The following ATP10B variants were observed in gnomAD, a reference collection of about 807,000 sequenced individuals.
ATP10B encodes phospholipid-transporting ATPase VB.
A neutral mutation model predicts 141.2 loss-of-function variants in ATP10B; 122 were observed. That is an observed-to-expected ratio of 0.86 (90% CI 0.75 to 1.00). ATP10B has a LOEUF of 1.00. Ranked by LOEUF, ATP10B falls within the 50% of genes least tolerant of loss-of-function variation. The pLI is 0.00. For missense variants in ATP10B, 1,876 were observed against 1,825.3 expected (o/e 1.03, Z -0.51); for synonymous variants, 685 against 692.0 (o/e 0.99, Z 0.16).
chr5:160,723,858 T>C lies in ATP10B; in HGVS notation c.-330-6824A>G, dbSNP rs893419986. Among the ~76,000 whole-genome samples the C allele has an allele frequency of 2.0e-5, 3 of 152,118 alleles. No individual in the cohort carries two copies. In the East Asian group the frequency reaches 5.8e-4, roughly 29 times the overall value. ...ACGTTCACTGTAGCATGAGTCGCAA[T>C]AGAAAAGACATGGAATCAACTTAAA... On this transcript the variant is annotated intron_variant, in intron 2 of 25. Transcript: ENST00000327245.
intron 2 of ATP10B, among the ~76,000 whole-genome samples, chr5:160,732,209 G>A (rs1766795778): frequency 6.6e-6 from 1 of 152,192 alleles, no homozygotes; most frequent in Admixed American, 6.5e-5. Context: ...TAACCTTGGA[G>A]CCCCAAATAA....
chr5:160,683,395 C>T (rs982960247), intron 6 of ATP10B, among the ~76,000 whole-genome samples: 1 of 152,124 alleles, frequency 6.6e-6, no homozygotes, highest in Admixed American at 6.5e-5. Context: ...TGGTAAATAC[C>T]ATCTAAAGTC....
chr5:160,789,307 G>T (rs1401382371), intron 1 of ATP10B, among the ~76,000 whole-genome samples: 2 of 151,356 alleles, frequency 1.3e-5, no homozygotes, highest in Non-Finnish European at 2.9e-5. Flanking sequence ...TGCATCATTA[G>T]GTGATTTTTT....
At chr5:160,604,513 T>C (rs1757271826) in intron 19 of ATP10B, among the ~76,000 whole-genome samples, 1 of 152,188 alleles carries the variant, frequency 6.6e-6, no homozygotes, top group Non-Finnish European at 1.5e-5. Context: ...TGAAATACCA[T>C]ATCAAGACAA....
intron 6 of ATP10B, among the ~76,000 whole-genome samples, chr5:160,674,556 T>C (rs1762911045): frequency 6.6e-6 from 1 of 152,196 alleles, no homozygotes; most frequent in African/African-American, 2.4e-5. Context: ...GCCTGTCTTT[T>C]CTTTAGACAT....
the ATP10B span, among the ~76,000 whole-genome samples, chr5:160,904,926 C>A: frequency 1.3e-5 from 2 of 152,200 alleles, no homozygotes; most frequent in Admixed American, 1.3e-4. Context: ...TTGAAACAAA[C>A]TCTAGCTATT....
rs1304222940 is a variant in ATP10B at position 160,804,539 on chromosome 5, T to C, written c.-575-18736A>G. 2.6e-5 allele frequency among the ~76,000 whole-genome samples: 4 copies of C among 152,236 alleles called. No individual in the cohort carries two copies. The South Asian group carries it at 8.3e-4, about 31-fold the overall frequency. On this transcript the variant is annotated intron_variant, in intron 1 of 25. Transcript: ENST00000327245. ...ACAGGCTTATGAGCCCATAGTCATATAGCTGGTAAATTAGGATTCTAACCC... is the reference window on the plus strand; with the variant it reads ...ACAGGCTTATGAGCCCATAGTCATACAGCTGGTAAATTAGGATTCTAACCC...
At chr5:160,577,842 T>C (rs1479629594) in intron 24 of ATP10B, among the ~76,000 whole-genome samples, 1 of 152,156 alleles carries the variant, frequency 6.6e-6, no homozygotes, top group Non-Finnish European at 1.5e-5. Flanking sequence ...TAGAATTGTC[T>C]CTCTGGTAAC....
the ATP10B span, among the ~76,000 whole-genome samples, chr5:160,917,269 CT>C: frequency 2.4e-3 from 303 of 127,656 alleles, 3 homozygotes; most frequent in Middle Eastern, 4.2e-3. Context: ...TAGGGTACTT[CT>C]TTTTTTTTTT....
intron 2 of ATP10B, among the ~76,000 whole-genome samples, chr5:160,774,362 C>T (rs540443116): frequency 6.6e-6 from 1 of 152,270 alleles, no homozygotes; most frequent in African/African-American, 2.4e-5. Flanking sequence ...CCAGGGATAT[C>T]CAGGGTTCTG....
chr5:160,898,852 G>A, the ATP10B span, among the ~76,000 whole-genome samples: 1,438 of 152,182 alleles, frequency 9.4e-3, 24 homozygotes, highest in African/African-American at 0.033. Context: ...GCAGGGACAT[G>A]GATGAAGCTG....
chr5:160,771,872 A>C (rs1769930335), intron 2 of ATP10B, among the ~76,000 whole-genome samples: 1 of 152,208 alleles, frequency 6.6e-6, no homozygotes, highest in African/African-American at 2.4e-5. Context: ...GTTCGGTTCC[A>C]TACTATTCTA....
At chr5:160,719,193 G>A (rs190700409) in intron 2 of ATP10B, among the ~76,000 whole-genome samples, 3 of 152,318 alleles carry the variant, frequency 2.0e-5, no homozygotes, top group Non-Finnish European at 2.9e-5. Flanking sequence ...GAGGTCAGGA[G>A]ATCGAGACCA....
chr5:160,643,859 T>A (rs1436342046), intron 9 of ATP10B, among the ~76,000 whole-genome samples: 2 of 152,216 alleles, frequency 1.3e-5, no homozygotes, highest in Non-Finnish European at 2.9e-5. Flanking sequence ...TCATTCTGGC[T>A]TTAGTTAGTA....
the ATP10B span, among the ~76,000 whole-genome samples, chr5:160,902,790 C>A: frequency 2.6e-5 from 4 of 152,276 alleles, no homozygotes; most frequent in African/African-American, 7.2e-5. Context: ...TTAATAATTT[C>A]AAATGTTCTG....
intron 7 of ATP10B, among the ~76,000 whole-genome samples, chr5:160,664,173 G>C (rs1581306457): frequency 6.6e-6 from 1 of 152,322 alleles, no homozygotes; most frequent in South Asian, 2.1e-4. Context: ...GGAGAAGCCT[G>C]TCAGGGACAG....
intron 2 of ATP10B, among the ~76,000 whole-genome samples, chr5:160,760,776 A>T (rs946877258): frequency 6.6e-6 from 1 of 152,102 alleles, no homozygotes; most frequent in Admixed American, 6.5e-5. Context: ...GACCTGTATG[A>T]TGCAGCAGAG....
At chr5:160,810,199 T>C (rs977269004) in intron 1 of ATP10B, among the ~76,000 whole-genome samples, 2 of 152,140 alleles carry the variant, frequency 1.3e-5, no homozygotes, top group African/African-American at 4.8e-5. Flanking sequence ...TCAACTATTG[T>C]ACTAGGTTTT....
the ATP10B span, among the ~76,000 whole-genome samples, chr5:160,913,057 C>A: frequency 6.6e-6 from 1 of 152,176 alleles, no homozygotes; most frequent in African/African-American, 2.4e-5. Flanking sequence ...GACAGCATTT[C>A]CAATGTGATT....
Sources: gnomAD v4.1 joint callset for allele counts (sites outside exome capture counted in the v4.1 genomes callset) on GRCh38, gnomAD v4.1.1 for gene constraint, MANE v1.5 for transcripts, NCBI Gene and HGNC (gene_info 2026-07-23, HGNC 2026-07-21) for gene names.